The following DTX4 variants were observed in gnomAD, a reference collection of about 807,000 sequenced individuals.
DTX4 encodes the protein deltex E3 ubiquitin ligase 4, also known as E3 ubiquitin-protein ligase DTX4.
In DTX4, 28 loss-of-function variants were observed where a neutral mutation model predicts 57.6. The observed-to-expected ratio is 0.49, with a 90% CI of 0.36 to 0.67. The LOEUF is 0.67. Ranked by LOEUF, DTX4 falls within the 30% of genes least tolerant of loss-of-function variation. The probability of loss-of-function intolerance (pLI) is 0.00; values close to 1 mark genes in which losing one functional copy is unlikely to be tolerated. For missense variants in DTX4, 715 were observed against 836.8 expected (o/e 0.85, Z 1.80); for synonymous variants, 316 against 331.0 (o/e 0.95, Z 0.49).
intron 1 of DTX4, among the ~76,000 whole-genome samples, chr11:59,177,443 A>G (rs948827071): frequency 2.0e-5 from 3 of 152,142 alleles, no homozygotes; most frequent in Non-Finnish European, 4.4e-5. Flanking sequence ...TTCTATGCCA[A>G]CACCTCTCCA....
chr11:59,197,654 C>CT (rs1469330355), intron 7 of DTX4, among the ~76,000 whole-genome samples: 2 of 152,184 alleles, frequency 1.3e-5, no homozygotes, highest in Non-Finnish European at 2.9e-5. Flanking sequence ...TAAAAGGCCA[C>CT]TGCCACAGTC....
chr11:59,176,394 G>T (rs1417459022), intron 1 of DTX4, among the ~76,000 whole-genome samples: 1 of 152,220 alleles, frequency 6.6e-6, no homozygotes, highest in Non-Finnish European at 1.5e-5. Flanking sequence ...TTGCTCAAGG[G>T]TTTACAGCTA....
chr11:59,196,336 T>C (rs1017348544), intron 7 of DTX4, among the ~76,000 whole-genome samples: 3 of 152,196 alleles, frequency 2.0e-5, no homozygotes, highest in African/African-American at 4.8e-5. Context: ...ATAGTGATCA[T>C]CGATGTGGAG....
rs906427047 is a variant in DTX4 at position 59,197,669 on chromosome 11, C to A, written c.1537-2015C>A. On this transcript the variant is annotated intron_variant, in intron 7 of 8. Coordinates refer to ENST00000227451, the MANE Select transcript of DTX4 (RefSeq NM_015177.2). ...TAAAAGGCCACTGCCACAGTCCAGG[C>A]CTTAGGAATGGGGCTCGAACAAGGG... is the stretch of plus-strand genomic sequence containing the variant. Among the ~76,000 whole-genome samples the A allele has an allele frequency of 2.6e-5, 4 of 152,082 alleles. No homozygotes were observed. The South Asian group carries it at 6.2e-4, about 24-fold the overall frequency.
chr11:59,190,009 G>A (rs1337956269), intron 4 of DTX4, among the ~76,000 whole-genome samples: 1 of 152,196 alleles, frequency 6.6e-6, no homozygotes, highest in Non-Finnish European at 1.5e-5. Flanking sequence ...GGCTTGTGAA[G>A]TTTAAATTGG....
intron 3 of DTX4, 90 bp downstream of exon 3, chr11:59,188,886 A>C: frequency 8.0e-7 from 1 of 1,253,692 alleles, no homozygotes; most frequent in Non-Finnish European, 1.1e-6. Context: ...AAAGGAGAGA[A>C]TCTAGATATT....
intron 2 of DTX4, among the ~76,000 whole-genome samples, chr11:59,186,509 A>G (rs1590983453): frequency 6.6e-6 from 1 of 152,038 alleles, no homozygotes; most frequent in East Asian, 1.9e-4. Context: ...CTTTTCCCCA[A>G]ACCTCTCCAG....
intron 2 of DTX4, among the ~76,000 whole-genome samples, chr11:59,185,694 C>T (rs970452443): frequency 2.6e-5 from 4 of 152,152 alleles, no homozygotes; most frequent in Non-Finnish European, 5.9e-5. Flanking sequence ...CTGCCCAGCA[C>T]TCAACTTTAT....
chr11:59,173,848 G>T, intron 1 of DTX4, among the ~76,000 whole-genome samples: 1 of 152,112 alleles, frequency 6.6e-6, no homozygotes, highest in Non-Finnish European at 1.5e-5. Context: ...TTGCTTAATC[G>T]ATGACCCGGG....
intron 8 of DTX4, among the ~76,000 whole-genome samples, chr11:59,202,745 C>T (rs189567736): frequency 6.6e-6 from 1 of 152,194 alleles, no homozygotes; most frequent in African/African-American, 2.4e-5. Context: ...CCTTTTGAGC[C>T]TCTGTTTCCT....
intron 2 of DTX4, among the ~76,000 whole-genome samples, chr11:59,184,587 A>G (rs948967609): frequency 2.6e-5 from 4 of 152,158 alleles, no homozygotes; most frequent in Non-Finnish European, 5.9e-5. Flanking sequence ...GACAAATGCC[A>G]AGTGACTTCA....
Position 59,189,175 on chromosome 11 carries a change from C to G in DTX4, c.1011C>G (p.Ile337Met), listed in dbSNP as rs778689869. Residue 337 changes from isoleucine to methionine, a missense_variant, in exon 4 of 9, where the codon ATC becomes ATG. Ile to Met is a conservative substitution (Grantham distance 10). Coordinates refer to ENST00000227451, the MANE Select transcript of DTX4 (RefSeq NM_015177.2). Reference sequence around the variant, plus strand: ...TGCCCCTTCCAGGAATCACTGGGATCCTCATGAGTGCAGCGGGGCTGCCTG... The same window carrying G: ...TGCCCCTTCCAGGAATCACTGGGATGCTCATGAGTGCAGCGGGGCTGCCTG... ...VNPALAGITG[I>M]LMSAAGLPVC... The G allele has an allele frequency of 6.2e-7, 1 of 1,613,528 alleles. No individual in the cohort carries two copies. The highest frequency in any genetic ancestry group is 8.5e-7 in the Non-Finnish European group (1 of 1,179,870).
rs1862806088 is a variant in DTX4, at chr11:59,206,213, T to C, written c.*1304T>C. The C allele has an allele frequency of 6.6e-6, 1 of 152,382 alleles. No individual in the cohort carries two copies. The highest frequency in any genetic ancestry group is 2.4e-5 in the African/African-American group (1 of 41,450). 9.4% of individuals were successfully genotyped at this position (152,382 alleles called of 1,614,324 possible). A position where few individuals can be genotyped will look rare whatever the true frequency, so the allele number is the denominator to read the frequency against. On this transcript the variant is annotated 3_prime_UTR_variant, in exon 9 of 9. Coordinates refer to ENST00000227451, the MANE Select transcript of DTX4 (RefSeq NM_015177.2). Reference sequence around the variant, plus strand: ...CCTCATCTCCCTCATCTATTATAGATTGACTTACAGCAGGGAGAGAATCTC... The same window carrying C: ...CCTCATCTCCCTCATCTATTATAGACTGACTTACAGCAGGGAGAGAATCTC...
At chr11:59,199,661 G>A (rs370042972) in intron 7 of DTX4, 23 bp from the exon 8 acceptor site, 43 of 1,549,774 alleles carry the variant, frequency 2.8e-5, no homozygotes, top group East Asian at 1.9e-4. Flanking sequence ...AATGCCATTT[G>A]CTTGCTTGCT....
chr11:59,195,050 C>A, intron 6 of DTX4, 158 bp from the exon 7 acceptor site: 1 of 732,374 alleles, frequency 1.4e-6, no homozygotes, highest in Non-Finnish European at 2.3e-6. Context: ...CAGAAATAGC[C>A]TAGGTGACTG....
At chr11:59,185,513 G>A (rs923590313) in intron 2 of DTX4, among the ~76,000 whole-genome samples, 2 of 152,124 alleles carry the variant, frequency 1.3e-5, no homozygotes, top group African/African-American at 4.8e-5. Flanking sequence ...GGCTGATGGA[G>A]TTGCCTGAAG....
chr11:59,178,692 G>GCAT (rs1398410357), intron 1 of DTX4, among the ~76,000 whole-genome samples: 1 of 152,210 alleles, frequency 6.6e-6, no homozygotes, highest in Non-Finnish European at 1.5e-5. Flanking sequence ...GTGCACATCA[G>GCAT]CATAGTCAAG....
chr11:59,185,073 T>C (rs1461394938), intron 2 of DTX4, among the ~76,000 whole-genome samples: 1 of 151,952 alleles, frequency 6.6e-6, no homozygotes, highest in East Asian at 1.9e-4. Context: ...AGAGAAAGGT[T>C]TGGGGGCAGG....
intron 5 of DTX4, among the ~76,000 whole-genome samples, chr11:59,191,896 T>C (rs1175406785): frequency 1.3e-5 from 2 of 152,240 alleles, no homozygotes; most frequent in Non-Finnish European, 2.9e-5. Flanking sequence ...TGAGCCCAAG[T>C]TAATCAGTAC....
Sources: gnomAD v4.1 joint callset for allele counts (sites outside exome capture counted in the v4.1 genomes callset) on GRCh38, gnomAD v4.1.1 for gene constraint, MANE v1.5 for transcripts, NCBI Gene and HGNC (gene_info 2026-07-23, HGNC 2026-07-21) for gene names.